The following HRH2 variants were observed in gnomAD, a reference collection of about 807,000 sequenced individuals.
HRH2 encodes histamine H2 receptor.
A neutral mutation model predicts 20.1 loss-of-function variants in HRH2; 4 were observed. The observed-to-expected ratio is 0.20, with a 90% CI of 0.10 to 0.45. HRH2 has a LOEUF of 0.45. Ranked by LOEUF, HRH2 falls within the 20% of genes least tolerant of loss-of-function variation. HRH2 has a pLI of 0.99. For synonymous variants in HRH2, 197 were observed against 200.7 expected (o/e 0.98, Z 0.16); for missense variants, 250 against 461.6 (o/e 0.54, Z 4.20).
At chr5:175,705,651 T>C (rs1193849749) in intron 2 of HRH2, among the ~76,000 whole-genome samples, 1 of 151,968 alleles carries the variant, frequency 6.6e-6, no homozygotes, top group Non-Finnish European at 1.5e-5. Context: ...CTACAGGTAG[T>C]GTGCCCAGAG....
intron 1 of HRH2, among the ~76,000 whole-genome samples, chr5:175,663,619 C>T (rs1202388847): frequency 6.6e-6 from 1 of 152,258 alleles, no homozygotes; most frequent in Non-Finnish European, 1.5e-5. Context: ...TAGCCAAAGC[C>T]TCAAAAGGGC....
intron 1 of HRH2, among the ~76,000 whole-genome samples, chr5:175,668,216 G>A (rs1321133732): frequency 6.6e-6 from 1 of 152,216 alleles, no homozygotes; most frequent in Non-Finnish European, 1.5e-5. Flanking sequence ...AAGCACTGTG[G>A]TGTGGGCTTG....
In HRH2 at chr5:175,684,161, C is replaced by T. The variant is rs200624580; in HGVS notation, c.928C>T (p.Arg310Cys). 5.8e-5 allele frequency: 93 copies of T among 1,614,036 alleles called. No homozygotes were observed. The highest frequency in any genetic ancestry group is 7.5e-5 in the Non-Finnish European group (88 of 1,180,038). The change falls in exon 2 of 3, where the codon CGC becomes TGC. Residue 310 changes from arginine to cysteine, a missense_variant. By Grantham distance (180) the Arg-to-Cys change is radical. Around this residue, in one of 5 missense-constraint regions of HRH2, gnomAD observed 55 missense variants for 66.9 expected, o/e 0.82. Transcript: ENST00000636584. ...GCTCTTCTGCTGCAGGCTGGCCAAC[C>T]GCAACTCCCACAAAACTTCTCTGAG... Reference protein sequence around the residue: ...QQLFCCRLANRNSHKTSLRSN... With the variant: ...QQLFCCRLANCNSHKTSLRSN...
intron 2 of HRH2, among the ~76,000 whole-genome samples, chr5:175,706,611 T>A (rs532437422): frequency 6.6e-6 from 1 of 152,278 alleles, no homozygotes; most frequent in African/African-American, 2.4e-5. Context: ...TGGTCAAATA[T>A]GTACACTGCT....
chr5:175,682,928 G>A lies in HRH2; in HGVS notation c.-306G>A. 3.1e-6 allele frequency: 1 copy of A among 325,664 alleles called. No homozygotes were observed. Among genetic ancestry groups the A allele is most frequent in the Non-Finnish European group, 5.6e-6 (1 of 178,616 alleles). 20.2% of individuals were successfully genotyped at this position (325,664 alleles called of 1,614,324 possible). On this transcript the variant is annotated 5_prime_UTR_variant, in exon 2 of 3. Transcript: ENST00000636584. ...CCGGGAGGAAGCTAGCTCTTCAGGG[G>A]ACCGTCTGAGGACTGGAGTTTGATC...
intron 2 of HRH2, among the ~76,000 whole-genome samples, chr5:175,706,878 A>G (rs949670037): frequency 2.0e-5 from 3 of 152,084 alleles, no homozygotes; most frequent in Non-Finnish European, 4.4e-5. Context: ...CCCTCTCTCT[A>G]TGTGGAAGGG....
At chr5:175,658,711 C>CCGGATGA (rs1003649450) in intron 1 of HRH2, among the ~76,000 whole-genome samples, 3 of 147,132 alleles carry the variant, frequency 2.0e-5, no homozygotes, top group African/African-American at 7.9e-5. Flanking sequence ...CCGCCCGCTG[C>CCGGATGA]CGGATGACCG....
rs528991237 is a variant in HRH2 at position 175,703,347 on chromosome 5, T to C, written c.1077-4432T>C. On this transcript the variant is annotated intron_variant, in intron 2 of 2. Coordinates refer to ENST00000636584, the MANE Select transcript of HRH2 (RefSeq NM_001367711.1). ...TCATGGGATGAAGAAAAAGTAATTA[T>C]GGATATTAGAAAACATTTTAAAGTA... 2.6e-5 allele frequency among the ~76,000 whole-genome samples: 4 copies of C among 152,324 alleles called. No homozygotes were observed. The East Asian group carries it at 7.7e-4, about 29-fold the overall frequency.
intron 2 of HRH2, among the ~76,000 whole-genome samples, chr5:175,697,140 T>A (rs1179767804): frequency 1.3e-5 from 2 of 152,026 alleles, no homozygotes; most frequent in Non-Finnish European, 2.9e-5. Context: ...CAGTGCTGAG[T>A]CACACATTTC....
intron 2 of HRH2, among the ~76,000 whole-genome samples, chr5:175,705,361 G>A (rs1460610499): frequency 6.6e-6 from 1 of 152,090 alleles, no homozygotes. Context: ...TATACACCGG[G>A]GGACAGGTCC....
In HRH2 at chr5:175,693,459, C is replaced by A. The variant is rs186744287; in HGVS notation, c.1076+9150C>A. ...AGAAATTTGCAGAAAGTAGCGAGGG[C>A]CTCACAGACGGGACGTCGCAGGTCC... On this transcript the variant is annotated intron_variant, in intron 2 of 2. Transcript: ENST00000636584. This position sits in a 1 kb window ranked among gnomAD's most constrained non-coding sequence, Gnocchi z 4.4. 6.6e-6 allele frequency among the ~76,000 whole-genome samples: 1 copy of A among 152,292 alleles called. No individual in the cohort carries two copies. The highest frequency in any genetic ancestry group is 1.9e-4 in the East Asian group (1 of 5,172).
At chr5:175,695,857 G>A (rs916261267) in intron 2 of HRH2, among the ~76,000 whole-genome samples, 3 of 152,226 alleles carry the variant, frequency 2.0e-5, no homozygotes, top group African/African-American at 7.2e-5. Flanking sequence ...CATCTGAGAG[G>A]TGCCCAGGTC....
intron 2 of HRH2, among the ~76,000 whole-genome samples, chr5:175,684,954 T>C (rs1753749951): frequency 2.0e-5 from 3 of 152,126 alleles, no homozygotes; most frequent in Admixed American, 6.6e-5. Context: ...AGCAGATCTA[T>C]GCCTTGGAAA....
At chr5:175,694,346 T>C (rs1286727207) in intron 2 of HRH2, among the ~76,000 whole-genome samples, 1 of 151,984 alleles carries the variant, frequency 6.6e-6, no homozygotes, top group African/African-American at 2.4e-5. Flanking sequence ...ATCCCCCCAG[T>C]GTAAGTCCCC....
rs1581476045 is a variant in HRH2, at chr5:175,709,323, T to A, written c.*1352T>A. 6.6e-6 allele frequency: 1 copy of A among 152,308 alleles called. No homozygotes were observed. The highest frequency in any genetic ancestry group is 1.9e-4 in the East Asian group (1 of 5,152). 9.4% of individuals were successfully genotyped at this position (152,308 alleles called of 1,614,324 possible). A position where few individuals can be genotyped will look rare whatever the true frequency, so the allele number is the denominator to read the frequency against. ...CAGAGTCCTCTCTTCTCACTCAGCA[T>A]CTCTCCTCCTGTGACCTCGTCTGCA... On this transcript the variant is annotated 3_prime_UTR_variant, in exon 3 of 3. Coordinates refer to ENST00000636584, the MANE Select transcript of HRH2 (RefSeq NM_001367711.1).
In HRH2 at chr5:175,684,012, G is replaced by A. The variant is rs760947251; in HGVS notation, c.779G>A (p.Arg260Lys). 6.2e-7 allele frequency: 1 copy of A among 1,614,196 alleles called. No individual in the cohort carries two copies. The highest frequency in any genetic ancestry group is 2.2e-5 in the East Asian group (1 of 44,876). Residue 260 changes from arginine to lysine, a missense_variant, in exon 2 of 3, where the codon AGA becomes AAA. This residue lies in a region of HRH2 where 58 missense variants were observed against 166.8 expected (regional missense o/e 0.35). Transcript: ENST00000636584. ...ACCGCGTTTGTGTACCGTGGGCTGA[G>A]AGGGGATGATGCCATCAATGAGGTG... ...YFTAFVYRGL[R>K]GDDAINEVLE...
intron 2 of HRH2, among the ~76,000 whole-genome samples, chr5:175,696,230 G>A (rs973940682): frequency 2.6e-5 from 4 of 152,250 alleles, no homozygotes; most frequent in Admixed American, 2.6e-4. Flanking sequence ...GGTACGTCAA[G>A]TCAGCCCATC....
At chr5:175,663,074 G>A (rs529649212) in intron 1 of HRH2, among the ~76,000 whole-genome samples, 1 of 152,118 alleles carries the variant, frequency 6.6e-6, no homozygotes, top group Admixed American at 6.5e-5. Context: ...CAGTTGATGG[G>A]CATTTGGGTT....
chr5:175,674,009 C>G (rs1036583493), intron 1 of HRH2, among the ~76,000 whole-genome samples: 1 of 152,162 alleles, frequency 6.6e-6, no homozygotes, highest in Admixed American at 6.5e-5. Flanking sequence ...CCAGCCACCT[C>G]AATTTTCTTT....
Sources: allele counts gnomAD v4.1 joint callset (sites outside exome capture counted in the v4.1 genomes callset), GRCh38; gene constraint gnomAD v4.1.1; regional missense constraint gnomAD v4.1.1; non-coding constraint Gnocchi (gnomAD v3.1); transcripts MANE v1.5; gene names NCBI Gene and HGNC (gene_info 2026-07-23, HGNC 2026-07-21).